The following GPHN variants were observed in gnomAD, a reference collection of about 807,000 sequenced individuals.
The protein encoded by GPHN is gephyrin.
Under a neutral mutation model 95.5 loss-of-function variants are expected in GPHN, and 17 were observed. That is an observed-to-expected ratio of 0.18 (90% CI 0.12 to 0.27). The LOEUF is 0.27. Ranked by LOEUF, GPHN falls within the 10% of genes least tolerant of loss-of-function variation. The pLI is 1.00. For synonymous variants in GPHN, 320 were observed against 322.5 expected (o/e 0.99, Z 0.08); for missense variants, 660 against 978.1 (o/e 0.67, Z 4.34).
the GPHN span, among the ~76,000 whole-genome samples, chr14:67,341,802 A>T: frequency 6.6e-6 from 1 of 152,228 alleles, no homozygotes; most frequent in Non-Finnish European, 1.5e-5. Flanking sequence ...GTGTAGAAAG[A>T]AGTAGACATG....
chr14:67,594,005 C>T, the GPHN span: 1 of 1,241,992 alleles, frequency 8.1e-7, no homozygotes, highest in Non-Finnish European at 1.2e-6. Context: ...TACCAGTCAA[C>T]TCCAGGCAAT....
intron 3 of GPHN, among the ~76,000 whole-genome samples, chr14:66,819,839 G>A (rs1375898051): frequency 6.6e-6 from 1 of 152,016 alleles, no homozygotes; most frequent in Admixed American, 6.6e-5. Context: ...TGCTTATTAT[G>A]TAGCTAGAAG....
At chr14:66,698,006 T>C (rs1453519109) in intron 2 of GPHN, among the ~76,000 whole-genome samples, 1 of 152,166 alleles carries the variant, frequency 6.6e-6, no homozygotes, top group African/African-American at 2.4e-5. Flanking sequence ...GTTTTATAAA[T>C]AATATTTTCA....
chr14:67,280,841 TTCCTTCCTTCCTTCCCTCCCTCCC>T, the GPHN span, among the ~76,000 whole-genome samples: 3 of 129,988 alleles, frequency 2.3e-5, no homozygotes, highest in South Asian at 4.8e-4. Context: ...CCTTCCTTCC[TTCCTTCCTTCCTTCCCTCCCTCCC>T]TCCCTCCCTC....
At chr14:67,119,719 G>A (rs1294185449) in intron 16 of GPHN, among the ~76,000 whole-genome samples, 2 of 152,214 alleles carry the variant, frequency 1.3e-5, no homozygotes, top group East Asian at 1.9e-4. Flanking sequence ...GAACCCACGA[G>A]GCAGAGGTTG....
intron 11 of GPHN, among the ~76,000 whole-genome samples, chr14:67,073,413 T>A (rs1006322144): frequency 6.6e-5 from 10 of 152,168 alleles, no homozygotes; most frequent in African/African-American, 2.4e-4. Flanking sequence ...TTGCTCTCAA[T>A]TGAAGCATTT....
the GPHN span, among the ~76,000 whole-genome samples, chr14:67,296,451 A>G: frequency 6.6e-6 from 1 of 151,794 alleles, no homozygotes; most frequent in Admixed American, 6.6e-5. Context: ...ATACAAAAAA[A>G]TTAGGCGGGT....
chr14:67,395,554 G>C, the GPHN span: 1 of 1,614,154 alleles, frequency 6.2e-7, no homozygotes, highest in Non-Finnish European at 8.5e-7. Flanking sequence ...AGTACTCCGT[G>C]GATGTTTGAG....
the GPHN span, among the ~76,000 whole-genome samples, chr14:67,521,367 T>C: frequency 1.3e-5 from 2 of 152,080 alleles, no homozygotes; most frequent in South Asian, 2.1e-4. Flanking sequence ...CACAGAGGGA[T>C]GGAAAGGGGT....
chr14:66,840,644 A>G (rs775659627), intron 4 of GPHN, among the ~76,000 whole-genome samples: 2 of 150,690 alleles, frequency 1.3e-5, no homozygotes, highest in Non-Finnish European at 2.9e-5. Flanking sequence ...TGGATTTCAT[A>G]TATTTCTACG....
chr14:67,227,892 G>A, the GPHN span, among the ~76,000 whole-genome samples: 2 of 152,088 alleles, frequency 1.3e-5, no homozygotes, highest in South Asian at 2.1e-4. Context: ...TTTCTTGGCC[G>A]GGTGCGGTGG....
chr14:67,679,076 G>C, the GPHN span, among the ~76,000 whole-genome samples: 1 of 152,172 alleles, frequency 6.6e-6, no homozygotes, highest in Non-Finnish European at 1.5e-5. Context: ...AAGCTGAGAA[G>C]TCCAAGATCA....
intron 9 of GPHN, among the ~76,000 whole-genome samples, chr14:66,974,642 TA>T (rs922665925): frequency 2.0e-5 from 3 of 151,866 alleles, no homozygotes; most frequent in Admixed American, 6.6e-5. Flanking sequence ...CTTTTTTGTT[TA>T]AAAAAAATGT....
intron 3 of GPHN, among the ~76,000 whole-genome samples, chr14:66,811,996 T>G (rs964422947): frequency 1.3e-5 from 2 of 152,198 alleles, no homozygotes. Context: ...TCTTAAAACT[T>G]TTAGCCTGAG....
chr14:67,331,539 G>T, the GPHN span, among the ~76,000 whole-genome samples: 2 of 152,124 alleles, frequency 1.3e-5, no homozygotes, highest in Non-Finnish European at 2.9e-5. Context: ...CTATCTAGCA[G>T]TATGAACTTA....
chr14:67,508,135 C>CAAAAAAAAAAAAAAAAAAAAA, the GPHN span, among the ~76,000 whole-genome samples: 1 of 130,632 alleles, frequency 7.7e-6, no homozygotes, highest in African/African-American at 3.0e-5. Flanking sequence ...AACTCCATCT[C>CAAAAAAAAAAAAAAAAAAAAA]AAAAAAAAAA....
rs768871821 is a variant in GPHN, at chr14:66,597,572, ACT to A, written c.65-83532_65-83531del. 9.6e-4 allele frequency among the ~76,000 whole-genome samples: 146 copies of A among 152,072 alleles called. 1 individual carries two copies. The Middle Eastern group carries it at 0.034, about 35-fold the overall frequency. On this transcript the variant is annotated intron_variant, in intron 1 of 22. Coordinates refer to ENST00000478722, the MANE Select transcript of GPHN (RefSeq NM_020806.5). ...GGGAGAGGCCAGGCAGCAGGAGCAG[ACT>A]CTTGCGAGACTGCAGGAGTGTCTTC...
chr14:67,490,784 T>C, the GPHN span, among the ~76,000 whole-genome samples: 2 of 151,780 alleles, frequency 1.3e-5, no homozygotes, highest in Non-Finnish European at 2.9e-5. Flanking sequence ...TTACCCCCAC[T>C]CTCCTTTTCC....
chr14:66,752,634 C>G (rs1295234995), intron 2 of GPHN, among the ~76,000 whole-genome samples: 1 of 151,968 alleles, frequency 6.6e-6, no homozygotes, highest in African/African-American at 2.4e-5. Flanking sequence ...TTAATTATTA[C>G]AGTTTACAAT....
Sources: gnomAD v4.1 joint callset for allele counts (sites outside exome capture counted in the v4.1 genomes callset) on GRCh38, gnomAD v4.1.1 for gene constraint, MANE v1.5 for transcripts, NCBI Gene and HGNC (gene_info 2026-07-23, HGNC 2026-07-21) for gene names.